Variants in KLHL20 observed in about 807,000 individuals in gnomAD.
The protein encoded by KLHL20 is kelch-like protein 20.
A neutral mutation model predicts 69.5 loss-of-function variants in KLHL20; 29 were observed. The observed-to-expected ratio is 0.42, with a 90% CI of 0.31 to 0.57. KLHL20 has a LOEUF of 0.57. Among genes scored for constraint, KLHL20 ranks in the 20% least tolerant of loss-of-function variants. The pLI is 0.18. For synonymous variants in KLHL20, 253 were observed against 265.2 expected, an observed-to-expected ratio of 0.95 and a Z score of 0.45; for missense variants, 419 against 776.0, an observed-to-expected ratio of 0.54 and a Z score of 5.47.
At chr1:173,722,706 C>T (rs1671768781) in intron 2 of KLHL20, among the ~76,000 whole-genome samples, 2 of 120,300 alleles carry the variant, frequency 1.7e-5, no homozygotes, top group African/African-American at 3.9e-5. Flanking sequence ...TTTTTTTTGA[C>T]ATAGAGTTTC....
chr1:173,748,497 A>G (rs1431769301), intron 3 of KLHL20, among the ~76,000 whole-genome samples: 2 of 152,172 alleles, frequency 1.3e-5, no homozygotes, highest in African/African-American at 4.8e-5. Context: ...CTCACATTTA[A>G]TTTCTCATTG....
chr1:173,717,054 T>C (rs577273711), intron 2 of KLHL20, among the ~76,000 whole-genome samples: 1 of 152,342 alleles, frequency 6.6e-6, no homozygotes, highest in South Asian at 2.1e-4. Flanking sequence ...ACCATTATCT[T>C]ATTTATATTT....
At chr1:173,722,703 T>TTG (rs1553277628) in intron 2 of KLHL20, among the ~76,000 whole-genome samples, 29 of 150,722 alleles carry the variant, frequency 1.9e-4, no homozygotes, top group East Asian at 9.9e-4. Context: ...TTTTTTTTTT[T>TTG]GACATAGAGT....
At chr1:173,716,169 G>A in intron 2 of KLHL20, 103 bp downstream of exon 2, 1 of 995,798 alleles carries the variant, frequency 1.0e-6, no homozygotes, top group Non-Finnish European at 1.6e-6. Flanking sequence ...ATTCTGCTTG[G>A]AACTAATGAG....
In KLHL20 at chr1:173,734,170, T is replaced by C. The variant is rs751930776; in HGVS notation, c.481T>C (p.Leu161=). 1.2e-6 allele frequency: 2 copies of C among 1,614,130 alleles called. No homozygotes were observed. Among genetic ancestry groups the C allele is most frequent in the African/African-American group, 2.7e-5 (2 of 74,948 alleles). ...AATACAGGAAGCCTGCTGTGAATTC[T>C]TAAAGAGACAATTAGATCCTTCTAA... The part of the protein sequence containing the change: ...AEIQEACCEF[L]KRQLDPSNCL... Residue 161 remains leucine, a synonymous_variant, in exon 3 of 12, where the codon TTA becomes CTA. Transcript: ENST00000209884.
chr1:173,772,833 C>T (rs1460678187), intron 8 of KLHL20, among the ~76,000 whole-genome samples: 1 of 152,154 alleles, frequency 6.6e-6, no homozygotes, highest in Non-Finnish European at 1.5e-5. Flanking sequence ...GACAGAGCAA[C>T]AGATTGGACT....
intron 3 of KLHL20, among the ~76,000 whole-genome samples, chr1:173,740,400 A>C (rs1672749088): frequency 6.6e-6 from 1 of 151,736 alleles, no homozygotes; most frequent in Non-Finnish European, 1.5e-5. Flanking sequence ...GTGAGCCACC[A>C]TGCCCGGCCT....
chr1:173,743,550 A>C lies in KLHL20; in HGVS notation c.598-8214A>C, dbSNP rs573068737. On this transcript the variant is annotated intron_variant, in intron 3 of 11. Transcript: ENST00000209884. ...AAAGTGGTGATTTTAAAAAAAAAAA[A>C]ACTCCATTTTCTGTCTACATTCTGC... is the stretch of plus-strand genomic sequence containing the variant. 2.0e-3 allele frequency among the ~76,000 whole-genome samples: 301 copies of C among 152,010 alleles called. 1 individual carries two copies. The highest frequency in any genetic ancestry group is 6.7e-3 in the African/African-American group (277 of 41,498).
At chr1:173,750,546 C>T (rs112075677) in intron 3 of KLHL20, among the ~76,000 whole-genome samples, 3,780 of 149,414 alleles carry the variant, frequency 0.025, 176 homozygotes, top group African/African-American at 0.089. Context: ...AGTGAAATGG[C>T]GCAATCTTGG....
intron 3 of KLHL20, among the ~76,000 whole-genome samples, chr1:173,747,090 A>G (rs1673097021): frequency 6.6e-6 from 1 of 151,696 alleles, no homozygotes. Flanking sequence ...ACTCTATGAA[A>G]TTTGCTTTCT....
At chr1:173,785,126 C>T in intron 11 of KLHL20, 37 bp from the exon 12 acceptor site, 3 of 1,530,656 alleles carry the variant, frequency 2.0e-6, no homozygotes, top group Non-Finnish European at 2.7e-6. Flanking sequence ...AACATATTTT[C>T]CAGTTAGAAA....
intron 2 of KLHL20, among the ~76,000 whole-genome samples, chr1:173,720,899 C>G (rs887812473): frequency 2.0e-5 from 3 of 152,000 alleles, no homozygotes; most frequent in Non-Finnish European, 4.4e-5. Context: ...TAGGAAACAG[C>G]CAGGTGGAGA....
At chr1:173,781,467 C>G (rs924294799) in intron 10 of KLHL20, among the ~76,000 whole-genome samples, 2 of 152,070 alleles carry the variant, frequency 1.3e-5, no homozygotes, top group Non-Finnish European at 2.9e-5. Context: ...AGGTATGCCC[C>G]ACCACACCCA....
chr1:173,728,823 G>A (rs936353769), intron 2 of KLHL20, among the ~76,000 whole-genome samples: 1 of 152,048 alleles, frequency 6.6e-6, no homozygotes, highest in Non-Finnish European at 1.5e-5. Flanking sequence ...AAGAACTAGA[G>A]AAGCAAGAGC....
chr1:173,752,305 C>T (rs1221843667), intron 4 of KLHL20, among the ~76,000 whole-genome samples: 6 of 151,124 alleles, frequency 4.0e-5, no homozygotes, highest in African/African-American at 1.5e-4. Flanking sequence ...AAACAGTTAT[C>T]ACTCCACATT....
intron 7 of KLHL20, among the ~76,000 whole-genome samples, chr1:173,762,956 T>C (rs1240285138): frequency 6.6e-6 from 1 of 152,212 alleles, no homozygotes; most frequent in African/African-American, 2.4e-5. Context: ...GCTGATGATA[T>C]GATTGTTTAC....
Position 173,755,961 on chromosome 1 carries a change from C to T in KLHL20, c.890C>T (p.Pro297Leu). The T allele has an allele frequency of 1.2e-6, 2 of 1,613,970 alleles. No individual in the cohort carries two copies. The highest frequency in any genetic ancestry group is 1.7e-6 in the Non-Finnish European group (2 of 1,179,954). The change falls in exon 6 of 12, where the codon CCG (proline) becomes CTG (leucine). Residue 297 changes from proline (P) to leucine (L), a missense_variant. Pro to Leu is a moderately conservative substitution (Grantham distance 98, BLOSUM62 -3). Around this residue, in one of 6 missense-constraint regions of KLHL20, gnomAD observed 99 missense variants for 240.7 expected, o/e 0.41. Transcript: ENST00000209884. ...VDEAKNYLLL[P>L]QERPLMQGPR... Reference sequence around the variant, plus strand: ...GAGGCTAAAAACTACCTCCTATTGCCGCAAGAACGACCACTAATGCAAGGA... The same window carrying T: ...GAGGCTAAAAACTACCTCCTATTGCTGCAAGAACGACCACTAATGCAAGGA...
chr1:173,719,617 CAAA>C (rs58489961), intron 2 of KLHL20, among the ~76,000 whole-genome samples: 1 of 130,242 alleles, frequency 7.7e-6, no homozygotes, highest in Admixed American at 7.7e-5. Flanking sequence ...GAATCCGTCT[CAAA>C]AAAAAAAAAG....
At chr1:173,780,356 G>T (rs770764272) in intron 10 of KLHL20, among the ~76,000 whole-genome samples, 11 of 152,188 alleles carry the variant, frequency 7.2e-5, no homozygotes, top group Non-Finnish European at 1.6e-4. Flanking sequence ...TTTTATAGAA[G>T]AACATAGGAG....
Sources: gnomAD v4.1 joint callset for allele counts (sites outside exome capture counted in the v4.1 genomes callset) on GRCh38, gnomAD v4.1.1 for gene constraint, gnomAD v4.1.1 regional missense constraint, MANE v1.5 for transcripts, NCBI Gene and HGNC (gene_info 2026-07-23, HGNC 2026-07-21) for gene names.